Variants in NMU observed in about 807,000 individuals in gnomAD.
The protein encoded by NMU is neuromedin-U.
A neutral mutation model predicts 35.4 loss-of-function variants in NMU; 29 were observed. That is an observed-to-expected ratio of 0.82 (90% CI 0.61 to 1.12). The LOEUF (loss-of-function observed/expected upper bound fraction) is 1.12, where lower values mean the gene tolerates loss of function less well. Among genes scored for constraint, NMU ranks in the 50% most tolerant of loss-of-function variants. The probability of loss-of-function intolerance (pLI) is 0.00; values close to 1 mark genes in which losing one functional copy is unlikely to be tolerated. For missense variants in NMU, 199 were observed against 206.2 expected (o/e 0.97, Z 0.21); for synonymous variants, 78 against 81.3 (o/e 0.96, Z 0.22).
intron 9 of NMU, among the ~76,000 whole-genome samples, chr4:55,597,906 T>C (rs1325488567): frequency 6.6e-6 from 1 of 151,846 alleles, no homozygotes; most frequent in African/African-American, 2.4e-5. Flanking sequence ...TATGATTTTA[T>C]CCTTTTTCTT....
At chr4:55,628,901 A>G (rs898908902) in intron 2 of NMU, among the ~76,000 whole-genome samples, 2 of 152,066 alleles carry the variant, frequency 1.3e-5, no homozygotes, top group Admixed American at 6.6e-5. Flanking sequence ...CTTCTCCCCA[A>G]TAAATATATA....
chr4:55,632,082 C>T (rs9999653), intron 1 of NMU, among the ~76,000 whole-genome samples: 76,958 of 151,944 alleles, frequency 0.51, 19,877 homozygotes, highest in Non-Finnish European at 0.54. Flanking sequence ...CCATATGTTA[C>T]CACTTATAAG....
intron 7 of NMU, among the ~76,000 whole-genome samples, chr4:55,604,833 C>G (rs1318090358): frequency 1.3e-5 from 2 of 151,398 alleles, no homozygotes; most frequent in African/African-American, 2.4e-5. Flanking sequence ...CAGGCCTGGC[C>G]CACTCTTAAC....
chr4:55,596,499 T>G (rs1269666726), intron 9 of NMU, among the ~76,000 whole-genome samples: 1 of 151,992 alleles, frequency 6.6e-6, no homozygotes, highest in Non-Finnish European at 1.5e-5. Flanking sequence ...AATAAAATTT[T>G]TAAATGCCAA....
At chr4:55,630,015 C>T (rs1253906854) in intron 2 of NMU, among the ~76,000 whole-genome samples, 1 of 147,040 alleles carries the variant, frequency 6.8e-6, no homozygotes, top group Non-Finnish European at 1.5e-5. Context: ...TATTTGCTTG[C>T]TATATCATTT....
intron 4 of NMU, among the ~76,000 whole-genome samples, chr4:55,608,438 T>C (rs1000042498): frequency 1.3e-5 from 2 of 152,170 alleles, no homozygotes; most frequent in African/African-American, 4.8e-5. Flanking sequence ...TGAATTATTA[T>C]ATATGAAAGG....
chr4:55,630,006 A>G (rs1317177754), intron 2 of NMU, among the ~76,000 whole-genome samples: 3 of 150,560 alleles, frequency 2.0e-5, no homozygotes. Context: ...TTCAGTTTAT[A>G]TTTGCTTGCT....
chr4:55,626,950 A>G (rs908917474), intron 2 of NMU, among the ~76,000 whole-genome samples: 5 of 152,098 alleles, frequency 3.3e-5, no homozygotes, highest in Non-Finnish European at 1.5e-5. Context: ...TTTACCTTTT[A>G]TATTTCTTTC....
intron 2 of NMU, among the ~76,000 whole-genome samples, chr4:55,618,629 CTTTCT>C (rs1560522088): frequency 6.7e-6 from 1 of 150,186 alleles, no homozygotes; most frequent in African/African-American, 2.5e-5. Context: ...CCTCTTTCTT[CTTTCT>C]TTTCTTCTCT....
intron 1 of NMU, among the ~76,000 whole-genome samples, chr4:55,633,430 CA>C (rs1715727651): frequency 6.6e-6 from 1 of 151,216 alleles, no homozygotes; most frequent in Non-Finnish European, 1.5e-5. Context: ...TAATTAGAGT[CA>C]ATGTGATTTT....
intron 7 of NMU, among the ~76,000 whole-genome samples, chr4:55,604,027 A>ATATACATGTGTAT (rs1733567304): frequency 4.8e-4 from 14 of 28,968 alleles, no homozygotes; most frequent in East Asian, 3.1e-3. Context: ...GTATATATAT[A>ATATACATGTGTAT]ATCCTAGAAA....
chr4:55,616,644 C>T (rs1577952180), intron 2 of NMU, among the ~76,000 whole-genome samples: 2 of 152,198 alleles, frequency 1.3e-5, no homozygotes. Context: ...ATGAAGATGC[C>T]TCACATTAAT....
chr4:55,627,466 G>A (rs934733528), intron 2 of NMU, among the ~76,000 whole-genome samples: 1 of 151,358 alleles, frequency 6.6e-6, no homozygotes, highest in African/African-American at 2.4e-5. Flanking sequence ...TAATTAATGA[G>A]GAAAATTGAT....
At chr4:55,635,944 C>A (rs940462448) in intron 1 of NMU, 137 bp downstream of exon 1, 4 of 1,464,316 alleles carry the variant, frequency 2.7e-6, no homozygotes, top group African/African-American at 2.8e-5. Flanking sequence ...AGGCGGGAAA[C>A]CCCGCGGCAC....
chr4:55,634,639 A>G (rs1357412327), intron 1 of NMU, among the ~76,000 whole-genome samples: 2 of 152,254 alleles, frequency 1.3e-5, no homozygotes, highest in Non-Finnish European at 2.9e-5. Flanking sequence ...TTTTCTTTAC[A>G]TAGCAAAGTC....
chr4:55,608,871 C>T (rs1422633033), intron 4 of NMU, among the ~76,000 whole-genome samples: 1 of 152,118 alleles, frequency 6.6e-6, no homozygotes, highest in Admixed American at 6.6e-5. Flanking sequence ...TTTATTCCTC[C>T]GGACTGGAAC....
chr4:55,605,306 T>C lies in NMU; in HGVS notation c.404A>G (p.His135Arg), dbSNP rs773179532. Residue 135 changes from histidine to arginine, a missense_variant, in exon 7 of 10, where the codon CAT becomes CGT. Coordinates refer to ENST00000264218, the MANE Select transcript of NMU (RefSeq NM_006681.4). The stretch of plus-strand genomic sequence containing the variant: ...TCTGAATCTCTTCATTCTTCTCTCA[T>C]GCAGGTGAGGAACGAGCTGCAGCAA... Reference protein sequence around the residue: ...HPLLQLVPHLHERRMKRFRVD... With the variant: ...HPLLQLVPHLRERRMKRFRVD... The C allele has an allele frequency of 1.2e-6, 2 of 1,613,782 alleles. No individual in the cohort carries two copies. The highest frequency in any genetic ancestry group is 2.2e-5 in the East Asian group (1 of 44,866).
chr4:55,633,276 G>C (rs1715718354), intron 1 of NMU, among the ~76,000 whole-genome samples: 1 of 150,170 alleles, frequency 6.7e-6, no homozygotes, highest in African/African-American at 2.5e-5. Flanking sequence ...AGTGAGCCCA[G>C]ATGGCACCAC....
intron 4 of NMU, among the ~76,000 whole-genome samples, 156 bp from the exon 5 acceptor site, chr4:55,607,622 C>T (rs1350528008): frequency 6.6e-6 from 1 of 152,054 alleles, no homozygotes; most frequent in Non-Finnish European, 1.5e-5. Flanking sequence ...GCATCCGTTG[C>T]TCTAAAAATA....
Sources: gnomAD v4.1 joint callset for allele counts (sites outside exome capture counted in the v4.1 genomes callset) on GRCh38, gnomAD v4.1.1 for gene constraint, MANE v1.5 for transcripts, NCBI Gene and HGNC (gene_info 2026-07-23, HGNC 2026-07-21) for gene names.